TENM3: variants seen among roughly 807,000 people sequenced by gnomAD.
TENM3 encodes teneurin transmembrane protein 3.
TENM3 carries 63 observed loss-of-function variants against 255.1 expected under a neutral mutation model. The observed-to-expected ratio is 0.25, with a 90% CI of 0.20 to 0.30. TENM3 has a LOEUF of 0.30. Among genes scored for constraint, TENM3 ranks in the 10% least tolerant of loss-of-function variants. TENM3 has a pLI of 1.00. For missense variants in TENM3, 2,929 were observed against 3,461.1 expected, an observed-to-expected ratio of 0.85 and a Z score of 3.86; for synonymous variants, 1,306 against 1,322.3, an observed-to-expected ratio of 0.99 and a Z score of 0.27.
chr4:182,635,677 A>C (rs1316686737), intron 5 of TENM3, among the ~76,000 whole-genome samples: 1 of 152,194 alleles, frequency 6.6e-6, no homozygotes, highest in African/African-American at 2.4e-5. Flanking sequence ...GCTGCTACCA[A>C]CTGATTTCTA....
the TENM3 span, among the ~76,000 whole-genome samples, chr4:181,474,622 C>A: frequency 6.6e-6 from 1 of 151,638 alleles, no homozygotes; most frequent in Non-Finnish European, 1.5e-5. Flanking sequence ...GTAATCCTTG[C>A]TACTTGGGAG....
intron 2 of TENM3, among the ~76,000 whole-genome samples, chr4:182,342,185 G>A (rs1488102906): frequency 6.6e-6 from 1 of 152,156 alleles, no homozygotes; most frequent in Non-Finnish European, 1.5e-5. Context: ...AACTTGTACA[G>A]GAATGTTCCT....
At chr4:181,969,685 GA>G in the TENM3 span, among the ~76,000 whole-genome samples, 2 of 152,216 alleles carry the variant, frequency 1.3e-5, no homozygotes, top group Non-Finnish European at 2.9e-5. Flanking sequence ...TGACAGCAAA[GA>G]GTTTGAGATC....
chr4:181,532,259 G>A, the TENM3 span, among the ~76,000 whole-genome samples: 582 of 152,204 alleles, frequency 3.8e-3, 2 homozygotes, highest in Non-Finnish European at 5.9e-3. Flanking sequence ...GCAAAATTGG[G>A]CTTTAGGACT....
Position 182,400,217 on chromosome 4 carries a change from A to C in TENM3, c.511+53288A>C, listed in dbSNP as rs147510445. ...CATTGGAAAGCAGAACACACGTACA[A>C]TTTTCAGCAATAATATATATTTTTC... is the stretch of plus-strand genomic sequence containing the variant. On this transcript the variant is annotated intron_variant, in intron 3 of 27. Transcript: ENST00000511685. Among the ~76,000 whole-genome samples, 10 of 152,226 alleles carry C rather than the reference A, an allele frequency of 6.6e-5. No homozygotes were observed. In the South Asian group the frequency reaches 1.9e-3, roughly 28 times the overall value.
At chr4:182,617,730 T>A (rs1338477640) in intron 4 of TENM3, among the ~76,000 whole-genome samples, 1 of 152,220 alleles carries the variant, frequency 6.6e-6, no homozygotes, top group Admixed American at 6.5e-5. Flanking sequence ...TCTAGATTAC[T>A]TTTTATCGAT....
chr4:182,236,600 C>CGGAAAATGTATGTTAAATAATATGTATG, intron 1 of TENM3, among the ~76,000 whole-genome samples: 1 of 151,972 alleles, frequency 6.6e-6, no homozygotes. Context: ...GAAATGTATA[C>CGGAAAATGTATGTTAAATAATATGTATG]GGAAAATGTA....
chr4:182,338,507 A>G (rs1764280706), intron 2 of TENM3, among the ~76,000 whole-genome samples: 1 of 152,198 alleles, frequency 6.6e-6, no homozygotes, highest in Non-Finnish European at 1.5e-5. Context: ...CAGTTTTATT[A>G]GAATATTACT....
the TENM3 span, chr4:181,522,798 A>C: frequency 1.2e-6 from 1 of 842,810 alleles, no homozygotes; most frequent in South Asian, 1.3e-5. Flanking sequence ...TCCTGGTCAA[A>C]CTTTAATTTA....
chr4:182,012,552 T>A, the TENM3 span: 1 of 152,160 alleles, frequency 6.6e-6, no homozygotes, highest in Admixed American at 6.5e-5. Context: ...TTCACTAAAG[T>A]CTGGAGAAAC....
the TENM3 span, among the ~76,000 whole-genome samples, chr4:182,015,093 G>A: frequency 3.9e-4 from 60 of 152,222 alleles, no homozygotes; most frequent in African/African-American, 1.4e-3. Context: ...TGAATTTAAG[G>A]GAAGAATTCC....
intron 1 of TENM3, among the ~76,000 whole-genome samples, chr4:182,185,206 T>A (rs1260084972): frequency 6.6e-6 from 1 of 152,228 alleles, no homozygotes; most frequent in Non-Finnish European, 1.5e-5. Flanking sequence ...CTTTCTTTTA[T>A]CGACATAGTC....
the TENM3 span, among the ~76,000 whole-genome samples, chr4:181,946,792 G>A: frequency 1.3e-5 from 2 of 152,160 alleles, no homozygotes; most frequent in Non-Finnish European, 2.9e-5. Flanking sequence ...TTTATTCTGA[G>A]CAAACTCAGA....
chr4:182,722,379 A>T (rs1451891085), intron 13 of TENM3, among the ~76,000 whole-genome samples: 3 of 152,130 alleles, frequency 2.0e-5, no homozygotes, highest in Non-Finnish European at 4.4e-5. Context: ...AACTTAATTC[A>T]TTTTTTCCTT....
chr4:181,835,362 A>G, the TENM3 span, among the ~76,000 whole-genome samples: 1 of 152,220 alleles, frequency 6.6e-6, no homozygotes, highest in Non-Finnish European at 1.5e-5. Flanking sequence ...GCAGAATACC[A>G]AAGTTTCATT....
the TENM3 span, among the ~76,000 whole-genome samples, chr4:182,017,038 C>T: frequency 3.3e-5 from 5 of 152,222 alleles, no homozygotes; most frequent in Admixed American, 6.5e-5. Context: ...ACAATGGACA[C>T]ATATTCCAAA....
chr4:181,964,168 G>C, the TENM3 span, among the ~76,000 whole-genome samples: 1 of 150,896 alleles, frequency 6.6e-6, no homozygotes, highest in Non-Finnish European at 1.5e-5. Context: ...CCTTTGACCA[G>C]ATGGTTTCAG....
At chr4:181,897,770 A>G in the TENM3 span, among the ~76,000 whole-genome samples, 11 of 152,194 alleles carry the variant, frequency 7.2e-5, no homozygotes, top group Admixed American at 5.9e-4. Flanking sequence ...TAAACAATGC[A>G]TTTATTAACT....
intron 1 of TENM3, among the ~76,000 whole-genome samples, chr4:182,227,008 A>T (rs1756202402): frequency 6.6e-6 from 1 of 152,030 alleles, no homozygotes; most frequent in African/African-American, 2.4e-5. Flanking sequence ...GTCTGTCTTA[A>T]CTCATCCTTT....
Sources: allele counts gnomAD v4.1 joint callset (sites outside exome capture counted in the v4.1 genomes callset), GRCh38; gene constraint gnomAD v4.1.1; transcripts MANE v1.5; gene names NCBI Gene and HGNC (gene_info 2026-07-23, HGNC 2026-07-21).